Variants in ITLN2 observed in about 807,000 individuals in gnomAD.
ITLN2 encodes intelectin 2.
Under a neutral mutation model 39.4 loss-of-function variants are expected in ITLN2, and 29 were observed. The observed-to-expected ratio is 0.74, with a 90% CI of 0.55 to 1.00. The LOEUF (loss-of-function observed/expected upper bound fraction) is 1.00. Ranked by LOEUF, ITLN2 falls within the 50% of genes least tolerant of loss-of-function variation. The probability of loss-of-function intolerance (pLI) is 0.00; values close to 1 mark genes in which losing one functional copy is unlikely to be tolerated. For synonymous variants in ITLN2, 156 were observed against 153.4 expected (o/e 1.02, Z -0.12); for missense variants, 412 against 416.7 (o/e 0.99, Z 0.10).
intron 5 of ITLN2, 145 bp downstream of exon 5, chr1:160,950,408 A>G: frequency 9.2e-7 from 1 of 1,087,326 alleles, no homozygotes; most frequent in South Asian, 1.6e-5. Flanking sequence ...GAGGCCAGAC[A>G]TGAGTTCACA....
At chr1:160,952,806 C>G in intron 2 of ITLN2, 73 bp from the exon 3 acceptor site, 1 of 1,067,408 alleles carries the variant, frequency 9.4e-7, no homozygotes, top group East Asian at 2.4e-5. Context: ...ATCTCTGCCC[C>G]TGTATCAACT....
intron 4 of ITLN2, 158 bp downstream of exon 4, chr1:160,950,885 G>A: frequency 6.7e-7 from 1 of 1,494,670 alleles, no homozygotes; most frequent in Admixed American, 1.8e-5. Context: ...GGCCCTAACA[G>A]CCTTGTTGAG....
At chr1:160,952,221 C>T (rs1234565892) in intron 3 of ITLN2, among the ~76,000 whole-genome samples, 2 of 152,352 alleles carry the variant, frequency 1.3e-5, no homozygotes, top group Non-Finnish European at 2.9e-5. Context: ...AAACCCACTA[C>T]TTGGGCAGAT....
chr1:160,950,808 T>C lies in ITLN2; in HGVS notation c.442-97A>G, dbSNP rs570436284. 7.8e-6 allele frequency: 12 copies of C among 1,533,046 alleles called. No individual in the cohort carries two copies. The East Asian group carries it at 2.7e-4, about 35-fold the overall frequency. 95.0% of individuals were successfully genotyped at this position (1,533,046 alleles called of 1,614,324 possible). ...CTCAGCTGGGCTGAGAGCTCTGGGA[T>C]CAGTAGGCAGATGGCCAGCCACGCT... On this transcript the variant is annotated intron_variant, in intron 4 of 7. Coordinates refer to ENST00000368029, the MANE Select transcript of ITLN2 (RefSeq NM_080878.3).
intron 2 of ITLN2, among the ~76,000 whole-genome samples, chr1:160,953,544 T>A (rs548789210): frequency 6.6e-6 from 1 of 152,182 alleles, no homozygotes; most frequent in Non-Finnish European, 1.5e-5. Flanking sequence ...ACCCCATCTC[T>A]ACTAAAAATA....
At position 160,945,118 on chromosome 1, in the gene ITLN2, CCT is replaced by C; in HGVS notation, c.*20_*21del. On this transcript the variant is annotated 3_prime_UTR_variant, in exon 8 of 8. Transcript: ENST00000368029. ...CCGGGGTTGGAAGATGGGTTCTCGCCCTGACACCGCAGAGCTCTGTCTCATCT... is the reference window on the plus strand; with the variant it reads ...CCGGGGTTGGAAGATGGGTTCTCGCCGACACCGCAGAGCTCTGTCTCATCT... 1 of 1,553,458 alleles carries C rather than the reference CCT, an allele frequency of 6.4e-7. No individual in the cohort carries two copies. Among genetic ancestry groups the C allele is most frequent in the Non-Finnish European group, 8.6e-7 (1 of 1,161,442 alleles).
At chr1:160,949,021 C>T (rs1190376847) in intron 6 of ITLN2, 2 of 152,170 alleles carry the variant, frequency 1.3e-5, no homozygotes, top group African/African-American at 4.8e-5. Context: ...TTATCTCTAC[C>T]ATCTCAGAGA....
intron 4 of ITLN2, 133 bp downstream of exon 4, chr1:160,950,910 C>T: frequency 2.0e-6 from 3 of 1,537,054 alleles, no homozygotes; most frequent in Non-Finnish European, 2.7e-6. Flanking sequence ...AGTTGTGATT[C>T]AAGTCCTGTA....
At position 160,952,736 on chromosome 1, in the gene ITLN2, A is replaced by G. The variant is rs755641713; in HGVS notation, c.80-3T>C. On this transcript the variant is annotated splice_region_variant and splice_polypyrimidine_tract_variant and intron_variant, in intron 2 of 7. Coordinates refer to ENST00000368029, the MANE Select transcript of ITLN2 (RefSeq NM_080878.3). Reference sequence around the variant, plus strand: ...CATCTCAAGAGAAGAGGCTGCTGCTAGAAAATGTGAGAATGAGTCTCATTA... The same window carrying G: ...CATCTCAAGAGAAGAGGCTGCTGCTGGAAAATGTGAGAATGAGTCTCATTA... The G allele has an allele frequency of 1.2e-6, 2 of 1,603,242 alleles. No homozygotes were observed. The highest frequency in any genetic ancestry group is 2.2e-5 in the South Asian group (2 of 90,812).
Position 160,950,127 on chromosome 1 carries a change from C to G in ITLN2, c.640G>C (p.Asp214His). Residue 214 changes from aspartate (D) to histidine (H), a missense_variant, in exon 6 of 8, where the codon GAC (aspartate) becomes CAC (histidine). By Grantham distance (81) the Asp-to-His change is moderately conservative (BLOSUM62 -1). Transcript: ENST00000368029. ...VKYRSGKCWN[D>H]NGPAIPVVYD... ...ACCACAGGTATGGCTGGGCCATTGT[C>G]ATTCCAACATTTCCCTGATCTGTAT... 2 of 1,613,836 alleles carry G rather than the reference C, an allele frequency of 1.2e-6. No homozygotes were observed. The highest frequency in any genetic ancestry group is 1.7e-6 in the Non-Finnish European group (2 of 1,179,686).
At chr1:160,951,682 C>T (rs1671748871) in intron 3 of ITLN2, among the ~76,000 whole-genome samples, 1 of 152,194 alleles carries the variant, frequency 6.6e-6, no homozygotes, top group South Asian at 2.1e-4. Context: ...TCCCTAAGCT[C>T]AGAGTTCCCC....
At position 160,948,023 on chromosome 1, in the gene ITLN2, A is replaced by G; in HGVS notation, c.731T>C (p.Val244Ala). 6.2e-7 allele frequency: 1 copy of G among 1,613,878 alleles called. No individual in the cohort carries two copies. Among genetic ancestry groups the G allele is most frequent in the Non-Finnish European group, 8.5e-7 (1 of 1,179,804 alleles). ...YYSPYGQREF[V>A]AGFVQFRVFN... ...CACCCGGAACTGAACGAATCCTGCA[A>G]CAAATTCCCCTGAAAAAGAAGAGGT... The change falls in exon 7 of 8, where the codon GTT becomes GCT. Residue 244 changes from valine (V) to alanine (A), a missense_variant. By Grantham distance (64) the Val-to-Ala change is moderately conservative. Coordinates refer to ENST00000368029, the MANE Select transcript of ITLN2 (RefSeq NM_080878.3).
At chr1:160,946,585 C>T (rs1259616771) in intron 7 of ITLN2, among the ~76,000 whole-genome samples, 5 of 149,674 alleles carry the variant, frequency 3.3e-5, no homozygotes, top group African/African-American at 7.4e-5. Flanking sequence ...TGGTGGTGGG[C>T]CCCTGTAGTC....
rs1319551973 is a variant in ITLN2, at chr1:160,952,688, C to T, written c.125G>A (p.Cys42Tyr). The change falls in exon 3 of 8, where the codon TGT becomes TAT. Residue 42 changes from cysteine (C) to tyrosine (Y), a missense_variant. Physicochemically the swap from Cys to Tyr is radical, Grantham distance 194. Transcript: ENST00000368029. ...LEMLSREFET[C>Y]AFSFSSLPRS... ...AGGCAGGGAAGAAAAGGAGAAGGCA[C>T]AGGTTTCGAATTCCCTCGAGAGCAT... 1 of 1,614,138 alleles carries T rather than the reference C, an allele frequency of 6.2e-7. No homozygotes were observed. Among genetic ancestry groups the T allele is most frequent in the Non-Finnish European group, 8.5e-7 (1 of 1,180,010 alleles).
chr1:160,953,758 A>G (rs1275110076), intron 2 of ITLN2, among the ~76,000 whole-genome samples: 2 of 152,174 alleles, frequency 1.3e-5, no homozygotes, highest in Non-Finnish European at 2.9e-5. Context: ...ACAAACCCTG[A>G]TGACAGTGCC....
At chr1:160,952,459 G>A (rs1198571194) in intron 3 of ITLN2, among the ~76,000 whole-genome samples, 161 bp downstream of exon 3, 1 of 152,166 alleles carries the variant, frequency 6.6e-6, no homozygotes, top group Non-Finnish European at 1.5e-5. Context: ...GACTGGAATG[G>A]GACACAAAAG....
rs560462688 is a variant in ITLN2 at position 160,954,294 on chromosome 1, C to A, written c.79+93G>T. On this transcript the variant is annotated intron_variant, in intron 2 of 7. Coordinates refer to ENST00000368029, the MANE Select transcript of ITLN2 (RefSeq NM_080878.3). ...CCAGAACTTCCCCTTTGACCCTTGA[C>A]TTCAGAGCCCTGCCCAGCTCTACTC... 8.0e-6 allele frequency: 8 copies of A among 1,001,648 alleles called. No individual in the cohort carries two copies. The African/African-American group carries it at 9.9e-5, about 12-fold the overall frequency. 62.0% of individuals were successfully genotyped at this position (1,001,648 alleles called of 1,614,324 possible). A position where few individuals can be genotyped will look rare whatever the true frequency, so the allele number is the denominator to read the frequency against.
At chr1:160,950,771 C>G in intron 4 of ITLN2, 60 bp from the exon 5 acceptor site, 1 of 1,571,018 alleles carries the variant, frequency 6.4e-7, no homozygotes, top group Non-Finnish European at 8.6e-7. Flanking sequence ...GCAGAAGGTC[C>G]ACATGTGCAG....
rs756625856 is a variant in ITLN2, at chr1:160,954,770, C to T, written c.-29G>A. On this transcript the variant is annotated 5_prime_UTR_variant, in exon 1 of 8. Transcript: ENST00000368029. ...TACAGATGCCAGGAGCTGATAGTTC[C>T]CTTCCTGTGGACACTCGGAGCTCCC... 6.2e-7 allele frequency: 1 copy of T among 1,612,988 alleles called. No individual in the cohort carries two copies. The highest frequency in any genetic ancestry group is 1.1e-5 in the South Asian group (1 of 90,932).
Sources: allele counts gnomAD v4.1 joint callset (sites outside exome capture counted in the v4.1 genomes callset), GRCh38; gene constraint gnomAD v4.1.1; transcripts MANE v1.5; gene names NCBI Gene and HGNC (gene_info 2026-07-23, HGNC 2026-07-21).